The following KAT6B variants were observed in gnomAD, a reference collection of about 807,000 sequenced individuals.
KAT6B encodes lysine acetyltransferase 6B.
KAT6B carries 10 observed loss-of-function variants against 187.5 expected under a neutral mutation model. That is an observed-to-expected ratio of 0.05 (90% confidence interval 0.03 to 0.09). The LOEUF (loss-of-function observed/expected upper bound fraction) is 0.09. Among genes scored for constraint, KAT6B ranks in the 10% least tolerant of loss-of-function variants. The pLI, the probability that KAT6B is intolerant of heterozygous loss-of-function variation, is 1.00. For missense variants in KAT6B, 1,952 were observed against 2,558.9 expected (o/e 0.76, Z 5.12); for synonymous variants, 861 against 926.8 (o/e 0.93, Z 1.29).
intron 3 of KAT6B, among the ~76,000 whole-genome samples, chr10:74,923,675 GGC>G (rs1848299444): frequency 6.6e-6 from 1 of 152,190 alleles, no homozygotes; most frequent in Admixed American, 6.5e-5. Flanking sequence ...ACAGATAAGA[GGC>G]CAGTGTGGCT....
chr10:74,860,066 TTTA>T (rs2132276222), intron 3 of KAT6B, among the ~76,000 whole-genome samples: 1 of 152,270 alleles, frequency 6.6e-6, no homozygotes, highest in East Asian at 1.9e-4. Context: ...TTTATTTATT[TTTA>T]TTATACTTTA....
intron 9 of KAT6B, among the ~76,000 whole-genome samples, chr10:74,978,445 C>G (rs1278244266): frequency 6.6e-6 from 1 of 152,112 alleles, no homozygotes; most frequent in Non-Finnish European, 1.5e-5. Flanking sequence ...GATGCCACCT[C>G]TTTTAAAAAA....
In KAT6B at chr10:75,029,647, G is replaced by T; in HGVS notation, c.4823G>T (p.Gly1608Val). The change falls in exon 18 of 18, where the codon GGC (glycine) becomes GTC (valine). Residue 1608 changes from glycine to valine, a missense_variant. Gly to Val is a moderately radical substitution (Grantham distance 109). Coordinates refer to ENST00000287239, the MANE Select transcript of KAT6B (RefSeq NM_012330.4). The surrounding 1 kb of genome is among the most constrained non-coding windows in gnomAD (Gnocchi z 6.2). The stretch of plus-strand genomic sequence containing the variant: ...GTTTCATCCGTCCACTCCCATCCTG[G>T]CCAGTCCGTACGTTCTGTCAACAGC... ...SPVSSVHSHP[G>V]QSVRSVNSPS... The T allele has an allele frequency of 1.2e-6, 2 of 1,614,084 alleles. No homozygotes were observed. The highest frequency in any genetic ancestry group is 1.7e-6 in the Non-Finnish European group (2 of 1,180,030).
intron 16 of KAT6B, 151 bp from the exon 17 acceptor site, chr10:75,024,807 G>A (rs924011847): frequency 9.6e-6 from 7 of 730,466 alleles, no homozygotes; most frequent in Non-Finnish European, 1.5e-5. Context: ...AGGGATGTTA[G>A]ACATCAAATG....
intron 3 of KAT6B, among the ~76,000 whole-genome samples, chr10:74,936,673 T>G (rs572766289): frequency 1.2e-4 from 18 of 152,168 alleles, no homozygotes; most frequent in African/African-American, 4.3e-4. Context: ...CAATGTGTGG[T>G]TTTTGTGTGT....
At chr10:74,858,516 A>T (rs554969345) in intron 3 of KAT6B, among the ~76,000 whole-genome samples, 24 of 152,096 alleles carry the variant, frequency 1.6e-4, no homozygotes, top group Non-Finnish European at 2.6e-4. Flanking sequence ...TGGCTCAAGC[A>T]ATCTACCCAC....
intron 15 of KAT6B, 76 bp downstream of exon 15, chr10:75,021,361 A>T: frequency 6.7e-7 from 1 of 1,498,048 alleles, no homozygotes; most frequent in Non-Finnish European, 9.3e-7. Context: ...AGTCATTAAG[A>T]TCGTTGTCAA....
At chr10:74,896,439 G>A (rs1299753491) in intron 3 of KAT6B, among the ~76,000 whole-genome samples, 3 of 152,042 alleles carry the variant, frequency 2.0e-5, no homozygotes, top group South Asian at 4.2e-4. Flanking sequence ...TACAGGACAC[G>A]CCACCACGCC....
At chr10:74,995,095 A>G (rs1028823517) in intron 13 of KAT6B, among the ~76,000 whole-genome samples, 1 of 152,134 alleles carries the variant, frequency 6.6e-6, no homozygotes, top group East Asian at 1.9e-4. Flanking sequence ...CCTGACTTCC[A>G]TTACCCACAA....
intron 3 of KAT6B, among the ~76,000 whole-genome samples, chr10:74,879,913 G>A (rs940282168): frequency 1.3e-5 from 2 of 152,196 alleles, no homozygotes; most frequent in South Asian, 4.2e-4. Context: ...TGGCCAACAC[G>A]GTGAAACCCC....
At chr10:74,950,105 A>G (rs1840216563) in intron 3 of KAT6B, among the ~76,000 whole-genome samples, 1 of 152,222 alleles carries the variant, frequency 6.6e-6, no homozygotes, top group Non-Finnish European at 1.5e-5. Flanking sequence ...AAAAATCTAT[A>G]TAGGGAGAGT....
intron 3 of KAT6B, among the ~76,000 whole-genome samples, chr10:74,868,142 A>G (rs891734660): frequency 6.6e-6 from 1 of 152,228 alleles, no homozygotes; most frequent in East Asian, 1.9e-4. Context: ...ACTAAAAAGC[A>G]TTCTTTTTTA....
intron 1 of KAT6B, among the ~76,000 whole-genome samples, chr10:74,834,476 G>A (rs1841128357): frequency 2.0e-5 from 3 of 152,120 alleles, no homozygotes. Context: ...GATTACAGGT[G>A]TGAGCCACTG....
intron 12 of KAT6B, among the ~76,000 whole-genome samples, chr10:74,986,780 TAAAAA>T (rs1331577927): frequency 1.3e-5 from 2 of 152,228 alleles, no homozygotes; most frequent in Non-Finnish European, 2.9e-5. Flanking sequence ...TCCAGAAACT[TAAAAA>T]GAATAGTGGT....
rs1366114304 is a variant in KAT6B at position 75,029,592 on chromosome 10, G to A, written c.4768G>A (p.Asp1590Asn). ...TCCACAGATTGCCACCACGCTCGAC[G>A]ATTGCCAACAGTCGGACCACAGTAG... The part of the protein sequence containing the change: ...QSPQIATTLD[D>N]CQQSDHSSPV... Residue 1590 changes from aspartate to asparagine, a missense_variant, in exon 18 of 18, where the codon GAT becomes AAT. Physicochemically the swap from Asp to Asn is conservative, Grantham distance 23. This residue lies in a region of KAT6B where 758 missense variants were observed against 891.4 expected (regional missense o/e 0.85). Coordinates refer to ENST00000287239, the MANE Select transcript of KAT6B (RefSeq NM_012330.4). The surrounding 1 kb of genome is among the most constrained non-coding windows in gnomAD (Gnocchi z 6.2). 2 of 1,613,968 alleles carry A rather than the reference G, an allele frequency of 1.2e-6. No homozygotes were observed. The highest frequency in any genetic ancestry group is 2.2e-5 in the East Asian group (1 of 44,880).
intron 3 of KAT6B, among the ~76,000 whole-genome samples, chr10:74,959,497 A>G (rs150336814): frequency 6.6e-6 from 1 of 152,356 alleles, no homozygotes; most frequent in Admixed American, 6.5e-5. Context: ...ACTGAAATGT[A>G]TTCAGGTAGT....
intron 3 of KAT6B, among the ~76,000 whole-genome samples, chr10:74,878,140 G>C (rs1228570200): frequency 1.3e-5 from 2 of 152,092 alleles, no homozygotes; most frequent in Non-Finnish European, 2.9e-5. Flanking sequence ...AACATGTATT[G>C]GGCATCTCAG....
Position 74,976,064 on chromosome 10 carries a change from A to G in KAT6B, c.1727A>G (p.Glu576Gly), listed in dbSNP as rs990047621. Reference sequence around the variant, plus strand: ...CCCAAACGTATGCGTCGTAAAACTGAATTATCTTCCACGGCAAAATCTAAA... The same window carrying G: ...CCCAAACGTATGCGTCGTAAAACTGGATTATCTTCCACGGCAAAATCTAAA... ...APPKRMRRKTELSSTAKSKAH... is the reference protein window; with the variant it reads ...APPKRMRRKTGLSSTAKSKAH... The change falls in exon 8 of 18, where the codon GAA (glutamate) becomes GGA (glycine). Residue 576 changes from glutamate to glycine, a missense_variant. Physicochemically the swap from Glu to Gly is moderately conservative, Grantham distance 98. Coordinates refer to ENST00000287239, the MANE Select transcript of KAT6B (RefSeq NM_012330.4). The G allele has an allele frequency of 6.2e-7, 1 of 1,614,182 alleles. No homozygotes were observed. The highest frequency in any genetic ancestry group is 8.5e-7 in the Non-Finnish European group (1 of 1,180,042).
chr10:74,862,050 C>G (rs1474199345), intron 3 of KAT6B, among the ~76,000 whole-genome samples: 3 of 152,148 alleles, frequency 2.0e-5, no homozygotes, highest in Admixed American at 2.0e-4. Context: ...GGTTATAGTG[C>G]TAATTCCTTT....
Sources: gnomAD v4.1 joint callset for allele counts (sites outside exome capture counted in the v4.1 genomes callset) on GRCh38, gnomAD v4.1.1 for gene constraint, gnomAD v4.1.1 regional missense constraint, Gnocchi (gnomAD v3.1) non-coding constraint, MANE v1.5 for transcripts, NCBI Gene and HGNC (gene_info 2026-07-23, HGNC 2026-07-21) for gene names.